NTM: variants seen among roughly 807,000 people sequenced by gnomAD.
The protein encoded by NTM is neurotrimin, also known as IgLON family member 2.
In NTM, 13 loss-of-function variants were observed where a neutral mutation model predicts 42.1. The observed-to-expected ratio is 0.31, with a 90% CI of 0.20 to 0.49. The LOEUF is 0.49. Among genes scored for constraint, NTM ranks in the 20% least tolerant of loss-of-function variants. The pLI, the probability that NTM is intolerant of heterozygous loss-of-function variation, is 0.99. For missense variants in NTM, 373 were observed against 452.8 expected (o/e 0.82, Z 1.60); for synonymous variants, 187 against 179.2 (o/e 1.04, Z -0.35).
chr11:131,544,102 A>G (rs934691094), intron 1 of NTM, among the ~76,000 whole-genome samples: 2 of 152,226 alleles, frequency 1.3e-5, no homozygotes, highest in Non-Finnish European at 2.9e-5. Context: ...CATGCAGGTC[A>G]GTCCCATGGA....
At position 131,627,976 on chromosome 11, in the gene NTM, G is replaced by T. The variant is rs368082128; in HGVS notation, c.82+257088G>T. 2.6e-4 allele frequency among the ~76,000 whole-genome samples: 39 copies of T among 152,236 alleles called. No individual in the cohort carries two copies. In the South Asian group the frequency reaches 7.3e-3, roughly 28 times the overall value. On this transcript the variant is annotated intron_variant, in intron 1 of 8. Transcript: ENST00000683400. Reference sequence around the variant, plus strand: ...TAGAACTTCCATAGAGGAGAAGAAGGATTTCTCACTCCCATCTCTGACAGT... The same window carrying T: ...TAGAACTTCCATAGAGGAGAAGAAGTATTTCTCACTCCCATCTCTGACAGT...
chr11:131,419,566 A>T (rs1388782870), intron 1 of NTM, among the ~76,000 whole-genome samples: 1 of 152,162 alleles, frequency 6.6e-6, no homozygotes, highest in Non-Finnish European at 1.5e-5. Context: ...GGAATAGCTC[A>T]GCATGTTTCA....
intron 1 of NTM, among the ~76,000 whole-genome samples, chr11:131,666,124 C>T (rs1247556279): frequency 2.0e-5 from 3 of 152,156 alleles, no homozygotes; most frequent in Admixed American, 2.0e-4. Context: ...GGAGACAACA[C>T]ATCTATTCTG....
At position 131,398,239 on chromosome 11, in the gene NTM, G is replaced by A. The variant is rs141348960; in HGVS notation, c.82+27351G>A. ...ATGACTGCAGTTGGATTTTAGAACC[G>A]AAAGGGCTTTGGAAAACACTTAACC... On this transcript the variant is annotated intron_variant, in intron 1 of 8. Coordinates refer to ENST00000683400, the MANE Select transcript of NTM (RefSeq NM_001352005.2). Among the ~76,000 whole-genome samples the A allele has an allele frequency of 3.4e-3, 525 of 152,232 alleles. 3 individuals are homozygous for A. Among genetic ancestry groups the A allele is most frequent in the African/African-American group, 0.012 (497 of 41,546 alleles).
At chr11:131,915,104 C>T (rs545803112) in intron 2 of NTM, among the ~76,000 whole-genome samples, 7 of 152,294 alleles carry the variant, frequency 4.6e-5, no homozygotes, top group African/African-American at 1.4e-4. Flanking sequence ...TAAACAGTAA[C>T]ATTTACTCCT....
In NTM at chr11:131,710,158, C is replaced by G. The variant is rs78214331; in HGVS notation, c.83-201406C>G. Among the ~76,000 whole-genome samples, 623 of 152,280 alleles carry G rather than the reference C, an allele frequency of 4.1e-3. 3 individuals carry two copies. The highest frequency in any genetic ancestry group is 0.015 in the African/African-American group (603 of 41,556). On this transcript the variant is annotated intron_variant, in intron 1 of 8. Transcript: ENST00000683400. ...GCTGAACAAACCCATTCACTGGTGC[C>G]AGATACCAGATTCTTTCACCAACTC...
chr11:131,798,367 G>A (rs1311987353), intron 1 of NTM, among the ~76,000 whole-genome samples: 1 of 152,128 alleles, frequency 6.6e-6, no homozygotes, highest in Non-Finnish European at 1.5e-5. Flanking sequence ...TAGGAAAGAG[G>A]GAAGATGGAG....
chr11:131,588,464 C>T (rs189755530), intron 1 of NTM, among the ~76,000 whole-genome samples: 2 of 152,310 alleles, frequency 1.3e-5, no homozygotes, highest in East Asian at 3.9e-4. Flanking sequence ...ACTAGTGTGC[C>T]ATGGTTATGA....
chr11:131,996,600 C>T (rs548576254), intron 2 of NTM, among the ~76,000 whole-genome samples: 1 of 152,138 alleles, frequency 6.6e-6, no homozygotes, highest in Admixed American at 6.5e-5. Context: ...CTCCACTTTA[C>T]AGTTGAGGAA....
Position 131,400,202 on chromosome 11 carries a change from G to A in NTM, c.82+29314G>A, listed in dbSNP as rs556832993. On this transcript the variant is annotated intron_variant, in intron 1 of 8. Transcript: ENST00000683400. Reference sequence around the variant, plus strand: ...AAGGCTGTAAATGAATAGACAGGACGTCACCTGTCCTTTCTCTCCAATCTC... The same window carrying A: ...AAGGCTGTAAATGAATAGACAGGACATCACCTGTCCTTTCTCTCCAATCTC... Among the ~76,000 whole-genome samples the A allele has an allele frequency of 1.5e-3, 223 of 152,180 alleles. 1 individual carries two copies. Among genetic ancestry groups the A allele is most frequent in the African/African-American group, 5.1e-3 (212 of 41,538 alleles).
chr11:131,853,228 CT>C (rs1176644592), intron 1 of NTM, among the ~76,000 whole-genome samples: 2 of 151,992 alleles, frequency 1.3e-5, no homozygotes, highest in Non-Finnish European at 1.5e-5. Flanking sequence ...CAGACTATTT[CT>C]TTTTTTAAAT....
intron 2 of NTM, among the ~76,000 whole-genome samples, chr11:132,119,825 G>A (rs1008967071): frequency 1.3e-5 from 2 of 152,234 alleles, no homozygotes; most frequent in African/African-American, 4.8e-5. Flanking sequence ...CTGGGTTAGG[G>A]TTCACACAGC....
At chr11:131,795,125 T>G (rs1224601816) in intron 1 of NTM, 2 of 492,812 alleles carry the variant, frequency 4.1e-6, no homozygotes, top group Non-Finnish European at 5.3e-6. Context: ...ATTAAAAGTA[T>G]TGTATTAAAG....
chr11:131,489,230 C>T (rs1954509672), intron 1 of NTM, among the ~76,000 whole-genome samples: 1 of 152,180 alleles, frequency 6.6e-6, no homozygotes, highest in African/African-American at 2.4e-5. Flanking sequence ...CTTCCTTTTT[C>T]ATAAGAAATG....
At chr11:131,498,794 G>A (rs1459666248) in intron 1 of NTM, among the ~76,000 whole-genome samples, 1 of 152,218 alleles carries the variant, frequency 6.6e-6, no homozygotes, top group African/African-American at 2.4e-5. Context: ...GCCACTTGCT[G>A]GGCTCCTCAT....
chr11:131,458,526 C>A (rs1250274713), intron 1 of NTM, among the ~76,000 whole-genome samples: 4 of 152,208 alleles, frequency 2.6e-5, no homozygotes, highest in African/African-American at 9.6e-5. Flanking sequence ...CCCTACCCAA[C>A]TGGACTGATT....
chr11:131,917,064 A>G (rs1281771926), intron 2 of NTM, among the ~76,000 whole-genome samples: 4 of 152,192 alleles, frequency 2.6e-5, no homozygotes, highest in Admixed American at 6.5e-5. Flanking sequence ...CTTCAGAACA[A>G]TCATCTCCAT....
chr11:131,767,769 C>T (rs996908389), intron 1 of NTM, among the ~76,000 whole-genome samples: 3 of 152,176 alleles, frequency 2.0e-5, no homozygotes, highest in African/African-American at 4.8e-5. Flanking sequence ...CTGAACCAGA[C>T]CCATTTGCCC....
At chr11:131,375,190 G>A (rs749928632) in intron 1 of NTM, among the ~76,000 whole-genome samples, 2 of 152,092 alleles carry the variant, frequency 1.3e-5, no homozygotes, top group Non-Finnish European at 2.9e-5. Flanking sequence ...CTCCCTCTGC[G>A]GGCCTATCTC....
Sources: allele counts gnomAD v4.1 joint callset (sites outside exome capture counted in the v4.1 genomes callset), GRCh38; gene constraint gnomAD v4.1.1; transcripts MANE v1.5; gene names NCBI Gene and HGNC (gene_info 2026-07-23, HGNC 2026-07-21).